Variants in STAT5A observed in about 807,000 individuals in gnomAD.
The protein encoded by STAT5A is epididymis secretory sperm binding protein.
STAT5A carries 26 observed loss-of-function variants against 100.2 expected under a neutral mutation model. The ratio of observed to expected loss-of-function variants is 0.26; its 90% CI spans 0.19 to 0.36. STAT5A has a LOEUF of 0.36. STAT5A is among the 10% of genes least tolerant of loss of function. The pLI, the probability that STAT5A is intolerant of heterozygous loss-of-function variation, is 1.00. For synonymous variants in STAT5A, 330 were observed against 424.3 expected, an observed-to-expected ratio of 0.78 and a Z score of 2.73; for missense variants, 634 against 1,027.5, an observed-to-expected ratio of 0.62 and a Z score of 5.24.
intron 4 of STAT5A, among the ~76,000 whole-genome samples, chr17:42,294,867 C>G (rs1300707892): frequency 6.6e-6 from 1 of 151,854 alleles, no homozygotes; most frequent in African/African-American, 2.4e-5. Flanking sequence ...TGTGCTCCCT[C>G]CCTTTGTGAC....
At chr17:42,302,098 T>C (rs969015408) in intron 9 of STAT5A, among the ~76,000 whole-genome samples, 4 of 152,192 alleles carry the variant, frequency 2.6e-5, no homozygotes, top group Admixed American at 6.5e-5. Context: ...CCTAGGAATT[T>C]GATACTACAG....
chr17:42,306,936 T>A (rs2081034778), intron 13 of STAT5A, among the ~76,000 whole-genome samples: 1 of 152,086 alleles, frequency 6.6e-6, no homozygotes, highest in Non-Finnish European at 1.5e-5. Context: ...GTCAGGCTGG[T>A]CTCGAACTCC....
In STAT5A at chr17:42,299,817, A is replaced by G. The variant is rs2080958653; in HGVS notation, c.617A>G (p.Gln206Arg). 2.5e-6 allele frequency: 4 copies of G among 1,613,588 alleles called. No individual in the cohort carries two copies. In the Admixed American group the frequency reaches 6.7e-5, roughly 27 times the overall value. The change falls in exon 6 of 19, where the codon CAG becomes CGG. Residue 206 changes from glutamine to arginine, a missense_variant. Gln to Arg is a conservative substitution (Grantham distance 43). Transcript: ENST00000590949. Reference protein sequence around the residue: ...ERLSRETALQQKQVSLEAWLQ... With the variant: ...ERLSRETALQRKQVSLEAWLQ... ...CTGAGCCGGGAGACGGCCCTCCAGC[A>G]GAAGCAGGTGTCTCTGGAGGCCTGG... is the stretch of plus-strand genomic sequence containing the variant.
intron 5 of STAT5A, among the ~76,000 whole-genome samples, chr17:42,297,015 C>G (rs2080925115): frequency 6.6e-6 from 1 of 152,200 alleles, no homozygotes; most frequent in South Asian, 2.1e-4. Context: ...ACTGCGACCT[C>G]TGCCTCTCAG....
intron 4 of STAT5A, among the ~76,000 whole-genome samples, chr17:42,295,152 G>C (rs116013212): frequency 6.6e-6 from 1 of 152,102 alleles, no homozygotes; most frequent in Admixed American, 6.5e-5. Flanking sequence ...AAGTGAGATG[G>C]TGTGTGTTCA....
At chr17:42,302,344 T>G (rs749991113) in intron 9 of STAT5A, among the ~76,000 whole-genome samples, 12 of 151,836 alleles carry the variant, frequency 7.9e-5, no homozygotes, top group Non-Finnish European at 1.5e-4. Context: ...CAGGGGGATG[T>G]GTAGGGCACC....
chr17:42,305,056 T>C (rs59316565), intron 11 of STAT5A, among the ~76,000 whole-genome samples: 28,576 of 151,838 alleles, frequency 0.19, 2,914 homozygotes, highest in East Asian at 0.36. Flanking sequence ...AGAAAAAAGT[T>C]GGGCATGGTG....
intron 9 of STAT5A, among the ~76,000 whole-genome samples, chr17:42,302,497 GT>G (rs879660458): frequency 0.16 from 23,810 of 152,266 alleles, 2,920 homozygotes; most frequent in African/African-American, 0.34. Flanking sequence ...TGAGGGAAGA[GT>G]ACAGAGACAT....
Position 42,292,134 on chromosome 17 carries a change from T to C in STAT5A, c.375+73T>C, listed in dbSNP as rs2080875126. Reference sequence around the variant, plus strand: ...ATGCCTTTCTCTCCAGAAACAACTGTGTTTATATAAAACAGCAGCACGAGG... The same window carrying C: ...ATGCCTTTCTCTCCAGAAACAACTGCGTTTATATAAAACAGCAGCACGAGG... On this transcript the variant is annotated intron_variant, in intron 4 of 18. Transcript: ENST00000590949. 4 of 1,556,030 alleles carry C rather than the reference T, an allele frequency of 2.6e-6. No individual in the cohort carries two copies. In the South Asian group the frequency reaches 3.4e-5, roughly 13 times the overall value.
intron 4 of STAT5A, among the ~76,000 whole-genome samples, 173 bp downstream of exon 4, chr17:42,292,234 CT>C (rs1337316139): frequency 1.3e-5 from 2 of 152,180 alleles, no homozygotes; most frequent in Non-Finnish European, 2.9e-5. Flanking sequence ...GAGTGACCCC[CT>C]GGATCCAGTC....
At chr17:42,297,997 G>A (rs1393611888) in intron 5 of STAT5A, among the ~76,000 whole-genome samples, 1 of 146,442 alleles carries the variant, frequency 6.8e-6, no homozygotes, top group Non-Finnish European at 1.5e-5. Flanking sequence ...AAGGTGATGG[G>A]AAGGGATTAA....
intron 4 of STAT5A, among the ~76,000 whole-genome samples, chr17:42,293,602 G>T (rs1330600317): frequency 1.3e-5 from 2 of 152,216 alleles, no homozygotes; most frequent in South Asian, 2.1e-4. Context: ...TATCATCAGA[G>T]AAACACATAA....
At chr17:42,301,139 G>T in intron 8 of STAT5A, 136 bp from the exon 9 acceptor site, 2 of 1,437,396 alleles carry the variant, frequency 1.4e-6, no homozygotes, top group East Asian at 2.3e-5. Context: ...CAGCTTCCCC[G>T]GGAACAGAGG....
At chr17:42,296,956 GTTTA>G (rs924536860) in intron 5 of STAT5A, among the ~76,000 whole-genome samples, 3 of 151,774 alleles carry the variant, frequency 2.0e-5, no homozygotes, top group Non-Finnish European at 2.9e-5. Flanking sequence ...TTGTTTGTTT[GTTTA>G]TTTATTATTG....
intron 5 of STAT5A, among the ~76,000 whole-genome samples, chr17:42,299,345 T>C (rs6503694): frequency 0.55 from 82,988 of 152,142 alleles, 25,184 homozygotes; most frequent in African/African-American, 0.82. Context: ...GTGGGGAAGC[T>C]GAGGCACAGG....
chr17:42,298,037 G>A (rs1450981505), intron 5 of STAT5A, among the ~76,000 whole-genome samples: 3 of 151,126 alleles, frequency 2.0e-5, no homozygotes, highest in Non-Finnish European at 4.4e-5. Context: ...ACGGGCTGTC[G>A]CTGGGAGGGT....
At chr17:42,292,475 C>A (rs533834759) in intron 4 of STAT5A, among the ~76,000 whole-genome samples, 1 of 151,666 alleles carries the variant, frequency 6.6e-6, no homozygotes, top group South Asian at 2.1e-4. Context: ...GCTACAGGCG[C>A]CCACCACCAT....
rs980706521 is a variant in STAT5A, at chr17:42,311,065, G to A, written c.*396G>A. On this transcript the variant is annotated 3_prime_UTR_variant, in exon 19 of 19. Transcript: ENST00000590949. ...CGTCTGTAAGCTGAAGTTTCACTCC[G>A]GAGTGAGAAGCTTTGCCCTCCTAAG... The A allele has an allele frequency of 3.8e-5, 9 of 234,426 alleles. No homozygotes were observed. The highest frequency in any genetic ancestry group is 8.8e-5 in the East Asian group (1 of 11,330). 14.5% of individuals were successfully genotyped at this position (234,426 alleles called of 1,614,324 possible).
At position 42,300,750 on chromosome 17, in the gene STAT5A, G is replaced by A. The variant is rs536235533; in HGVS notation, c.869G>A (p.Arg290Gln). The change falls in exon 8 of 19, where the codon CGG (arginine) becomes CAG (glutamine). Residue 290 changes from arginine (R) to glutamine (Q), a missense_variant. By Grantham distance (43) the Arg-to-Gln change is conservative. Coordinates refer to ENST00000590949, the MANE Select transcript of STAT5A (RefSeq NM_001288718.2). ...TTGGCCGAGATCATCTGGCAGAACC[G>A]GCAGCAGATCCGCAGGGCTGAGCAC... ...EKLAEIIWQN[R>Q]QQIRRAEHLC... 3.1e-5 allele frequency: 50 copies of A among 1,613,400 alleles called. No individual in the cohort carries two copies. Among genetic ancestry groups the A allele is most frequent in the Middle Eastern group, 3.4e-4 (2 of 5,910 alleles).
Sources: gnomAD v4.1 joint callset for allele counts (sites outside exome capture counted in the v4.1 genomes callset) on GRCh38, gnomAD v4.1.1 for gene constraint, MANE v1.5 for transcripts, NCBI Gene and HGNC (gene_info 2026-07-23, HGNC 2026-07-21) for gene names.